Variants in CFAP299 observed in about 807,000 individuals in gnomAD.
CFAP299 encodes cilia and flagella associated protein 299, also known as cilia- and flagella-associated protein 299.
In CFAP299, 21 loss-of-function variants were observed where a neutral mutation model predicts 27.0. The observed-to-expected ratio is 0.78, with a 90% confidence interval of 0.55 to 1.12. CFAP299 has a LOEUF of 1.12. CFAP299 is among the 50% of genes most tolerant of loss of function. CFAP299 has a pLI of 0.00. For synonymous variants in CFAP299, 104 were observed against 98.1 expected, an observed-to-expected ratio of 1.06 and a Z score of -0.36; for missense variants, 310 against 276.6, an observed-to-expected ratio of 1.12 and a Z score of -0.86.
chr4:80,869,670 C>A (rs952671607), intron 3 of CFAP299, among the ~76,000 whole-genome samples: 2 of 152,078 alleles, frequency 1.3e-5, no homozygotes, highest in African/African-American at 2.4e-5. Flanking sequence ...CCCTCCACCA[C>A]GCCCGGCTAA....
chr4:80,389,814 A>G lies in CFAP299; in HGVS notation c.242+26930A>G, dbSNP rs932373054. ...AAGCATTTACTATTTACTTCTTTAA[A>G]CACATTTTATGGATGTTGAAATTGA... is the stretch of plus-strand genomic sequence containing the variant. On this transcript the variant is annotated intron_variant, in intron 2 of 5. Coordinates refer to ENST00000358105, the MANE Select transcript of CFAP299 (RefSeq NM_152770.3). Among the ~76,000 whole-genome samples the G allele has an allele frequency of 3.9e-5, 6 of 152,174 alleles. 1 individual carries two copies. Among genetic ancestry groups the G allele is most frequent in the African/African-American group, 1.4e-4 (6 of 41,440 alleles).
Position 80,388,215 on chromosome 4 carries a change from G to C in CFAP299, c.242+25331G>C, listed in dbSNP as rs1186043216. 20 of 697,024 alleles carry C rather than the reference G, an allele frequency of 2.9e-5. 1 individual carries two copies. The South Asian group carries it at 3.1e-4, about 11-fold the overall frequency. 43.2% of individuals were successfully genotyped at this position (697,024 alleles called of 1,614,324 possible). A position where few individuals can be genotyped will look rare whatever the true frequency, so the allele number is the denominator to read the frequency against. On this transcript the variant is annotated intron_variant, in intron 2 of 5. Transcript: ENST00000358105. The stretch of plus-strand genomic sequence containing the variant: ...TAGGTGAGGTGGCTGGGCACAGAAT[G>C]CATGTTCAGGCTGCTCTGCACAGGT...
chr4:80,661,372 C>G, intron 3 of CFAP299, among the ~76,000 whole-genome samples: 2 of 149,904 alleles, frequency 1.3e-5, no homozygotes, highest in South Asian at 4.3e-4. Flanking sequence ...GAACCCTGAA[C>G]GGAGGGACCG....
chr4:80,473,179 G>T (rs1578484865), intron 2 of CFAP299, among the ~76,000 whole-genome samples: 1 of 152,078 alleles, frequency 6.6e-6, no homozygotes, highest in African/African-American at 2.4e-5. Context: ...CCTAACTCAG[G>T]TGTTGTGGGG....
intron 3 of CFAP299, among the ~76,000 whole-genome samples, chr4:80,774,400 T>TTC (rs1217327112): frequency 6.6e-6 from 1 of 151,868 alleles, no homozygotes; most frequent in Non-Finnish European, 1.5e-5. Context: ...ACTTTCAAAC[T>TTC]CCCTCTTCCA....
At chr4:80,734,804 A>G (rs955627140) in intron 3 of CFAP299, among the ~76,000 whole-genome samples, 1 of 152,048 alleles carries the variant, frequency 6.6e-6, no homozygotes, top group Non-Finnish European at 1.5e-5. Context: ...TGGGTTCTCT[A>G]TTCTGTCCAT....
At chr4:80,922,661 C>G (rs1364905199) in intron 4 of CFAP299, among the ~76,000 whole-genome samples, 1 of 151,714 alleles carries the variant, frequency 6.6e-6, no homozygotes, top group East Asian at 1.9e-4. Context: ...TCTATTTCCC[C>G]TAATTAAAAA....
At chr4:80,625,021 AAT>A (rs1379678030) in intron 3 of CFAP299, among the ~76,000 whole-genome samples, 2 of 152,166 alleles carry the variant, frequency 1.3e-5, no homozygotes, top group Non-Finnish European at 2.9e-5. Flanking sequence ...AAAAAACACT[AAT>A]AAGTCACGTG....
chr4:80,799,784 T>TAA (rs1341123318), intron 3 of CFAP299, among the ~76,000 whole-genome samples: 14 of 32,328 alleles, frequency 4.3e-4, no homozygotes, highest in African/African-American at 5.4e-4. Context: ...GATATATATA[T>TAA]TATATATTAT....
chr4:80,871,818 T>C (rs2110169228), intron 4 of CFAP299: 1 of 182,406 alleles, frequency 5.5e-6, no homozygotes, highest in South Asian at 1.9e-4. Context: ...TTCCTTAATG[T>C]CATCTAATAC....
At chr4:80,619,954 C>A (rs568324926) in intron 3 of CFAP299, among the ~76,000 whole-genome samples, 136 of 151,980 alleles carry the variant, frequency 8.9e-4, no homozygotes, top group African/African-American at 3.0e-3. Flanking sequence ...TCTATAGAAA[C>A]ATATTGTTAT....
chr4:80,544,613 G>A (rs1022433191), intron 2 of CFAP299, among the ~76,000 whole-genome samples: 12 of 152,156 alleles, frequency 7.9e-5, no homozygotes, highest in African/African-American at 2.9e-4. Flanking sequence ...TGATCAAAAA[G>A]GACAAAGAGC....
chr4:80,657,514 G>T (rs1740620627), intron 3 of CFAP299, among the ~76,000 whole-genome samples: 1 of 151,932 alleles, frequency 6.6e-6, no homozygotes, highest in African/African-American at 2.4e-5. Context: ...TTTTTGTCAG[G>T]TTTGTCAAAG....
Position 80,473,950 on chromosome 4 carries a change from CAG to C in CFAP299, c.243-109142_243-109141del, listed in dbSNP as rs1272812476. Among the ~76,000 whole-genome samples the C allele has an allele frequency of 2.6e-5, 4 of 152,138 alleles. No homozygotes were observed. The East Asian group carries it at 7.7e-4, about 29-fold the overall frequency. On this transcript the variant is annotated intron_variant, in intron 2 of 5. Coordinates refer to ENST00000358105, the MANE Select transcript of CFAP299 (RefSeq NM_152770.3). ...AAAATTGTACTATTAAAAACTTTTA[CAG>C]TCACATAATTCTTTTGGGTATTTAA...
chr4:80,386,679 G>A (rs1725024622), intron 2 of CFAP299: 2 of 1,578,372 alleles, frequency 1.3e-6, no homozygotes, highest in South Asian at 1.1e-5. Context: ...AGGTGGGCAC[G>A]GCGGCTGAAG....
intron 2 of CFAP299, among the ~76,000 whole-genome samples, chr4:80,457,560 T>C (rs1006476753): frequency 2.6e-5 from 4 of 152,210 alleles, no homozygotes; most frequent in Non-Finnish European, 4.4e-5. Context: ...TTCATCTCTC[T>C]CATTCTTCCC....
chr4:80,851,437 T>C (rs753945876), intron 3 of CFAP299, among the ~76,000 whole-genome samples: 11 of 152,144 alleles, frequency 7.2e-5, no homozygotes, highest in Admixed American at 7.2e-4. Context: ...AAAGACACTA[T>C]GCATTTCATT....
At chr4:80,559,146 G>A (rs551956477) in intron 2 of CFAP299, among the ~76,000 whole-genome samples, 23 of 152,218 alleles carry the variant, frequency 1.5e-4, no homozygotes, top group Middle Eastern at 3.4e-3. Context: ...CCTCAGCTGG[G>A]AATGGCTGGA....
chr4:80,425,843 G>C (rs1365191393), intron 2 of CFAP299, among the ~76,000 whole-genome samples: 2 of 152,188 alleles, frequency 1.3e-5, no homozygotes, highest in African/African-American at 4.8e-5. Flanking sequence ...ATTTTACACT[G>C]GGGAATGATT....
Sources: gnomAD v4.1 joint callset for allele counts (sites outside exome capture counted in the v4.1 genomes callset) on GRCh38, gnomAD v4.1.1 for gene constraint, MANE v1.5 for transcripts, NCBI Gene and HGNC (gene_info 2026-07-23, HGNC 2026-07-21) for gene names.